Variants in KCNN1 observed in about 807,000 individuals in gnomAD.
KCNN1 encodes the protein potassium calcium-activated channel subfamily N member 1.
In KCNN1, 20 loss-of-function variants were observed where a neutral mutation model predicts 44.7. The ratio of observed to expected loss-of-function variants is 0.45; its 90% CI spans 0.32 to 0.65. The LOEUF is 0.65. Ranked by LOEUF, KCNN1 falls within the 30% of genes least tolerant of loss-of-function variation. The pLI is 0.05. For synonymous variants in KCNN1, 324 were observed against 341.7 expected, an observed-to-expected ratio of 0.95 and a Z score of 0.57; for missense variants, 632 against 785.3, an observed-to-expected ratio of 0.80 and a Z score of 2.33.
chr19:17,968,717 G>A (rs1416079765), intron 1 of KCNN1, among the ~76,000 whole-genome samples: 1 of 152,058 alleles, frequency 6.6e-6, no homozygotes, highest in Admixed American at 6.6e-5. Flanking sequence ...CCCCAGAAGT[G>A]TGTGTCTCCA....
intron 5 of KCNN1, 118 bp downstream of exon 5, chr19:17,985,571 A>G: frequency 1.1e-6 from 1 of 902,320 alleles, no homozygotes; most frequent in Non-Finnish European, 1.6e-6. Flanking sequence ...GTGCCTGATC[A>G]GCGTCCCTCC....
At position 17,983,013 on chromosome 19, in the gene KCNN1, CAA is replaced by C. The variant is rs10574788; in HGVS notation, c.917+897_917+898del. On this transcript the variant is annotated intron_variant, in intron 4 of 9. Transcript: ENST00000684775. This position sits in a 1 kb window ranked among gnomAD's most constrained non-coding sequence, Gnocchi z 4.5. ...TGAGATTGCGCCACTGCACTCCAGT[CAA>C]AAAAAAAAAAGACAAATAAATGGGT... Among the ~76,000 whole-genome samples the C allele has an allele frequency of 0.18, 26,382 of 144,796 alleles. 2,457 individuals carry two copies. The highest frequency in any genetic ancestry group is 0.34 in the East Asian group (1,719 of 4,994). 95.0% of individuals were successfully genotyped at this position (144,796 alleles called of 152,430 possible).
chr19:17,974,248 C>T lies in KCNN1; in HGVS notation c.360C>T (p.Val120=). 6 of 1,605,788 alleles carry T rather than the reference C, an allele frequency of 3.7e-6. No homozygotes were observed. The highest frequency in any genetic ancestry group is 5.1e-6 in the Non-Finnish European group (6 of 1,174,874). The change falls in exon 2 of 10, where the codon GTC becomes GTT. Residue 120 remains valine, a synonymous_variant. Coordinates refer to ENST00000684775, the MANE Select transcript of KCNN1 (RefSeq NM_001386974.1). The surrounding 1 kb of genome is among the most constrained non-coding windows in gnomAD (Gnocchi z 7.3). ...ALIFGMFGIV[V]MVTETELSWG... ...TTTTCGGCATGTTTGGCATCGTCGT[C>T]ATGGTGACGGAGACCGAGCTGTCCT... is the stretch of plus-strand genomic sequence containing the variant.
At chr19:17,965,854 G>A (rs549201762), upstream of KCNN1, among the ~76,000 whole-genome samples, 1 of 152,186 alleles carries the variant, frequency 6.6e-6, no homozygotes, top group Admixed American at 6.5e-5. Context: ...CGGGCCTTGT[G>A]CAGAGCAGTC....
chr19:17,982,265 C>T, intron 4 of KCNN1, 138 bp downstream of exon 4: 4 of 747,624 alleles, frequency 5.4e-6, no homozygotes, highest in Non-Finnish European at 8.4e-6. Flanking sequence ...GCAAGACACC[C>T]GTGGTGCCTC....
intron 2 of KCNN1, among the ~76,000 whole-genome samples, chr19:17,959,442 G>C (rs1248845897): frequency 6.6e-6 from 1 of 152,010 alleles, no homozygotes; most frequent in Non-Finnish European, 1.5e-5. Flanking sequence ...ATTTTTAATA[G>C]AGACGGGGTT....
intron 9 of KCNN1, among the ~76,000 whole-genome samples, chr19:17,996,186 T>A (rs73528108): frequency 0.023 from 2,032 of 89,080 alleles, 27 homozygotes; most frequent in African/African-American, 0.07. Flanking sequence ...AAAAAAAAAA[T>A]AGAAAAATTA....
chr19:17,961,946 G>C (rs769944934), intron 2 of KCNN1, among the ~76,000 whole-genome samples: 2 of 152,146 alleles, frequency 1.3e-5, no homozygotes, highest in Non-Finnish European at 2.9e-5. Flanking sequence ...CAAATTTTGG[G>C]GGGTCACGAT....
rs191167135 is a variant in KCNN1, at chr19:17,987,106, C to T, written c.1060-1309C>T. ...ACAGGCATGACGCCACCACGCTGGC[C>T]CTTTTTTTCTTTTTTTTTTTTGAGA... On this transcript the variant is annotated intron_variant, in intron 5 of 9. Coordinates refer to ENST00000684775, the MANE Select transcript of KCNN1 (RefSeq NM_001386974.1). 4.8e-4 allele frequency among the ~76,000 whole-genome samples: 73 copies of T among 151,290 alleles called. 2 individuals are homozygous for T. In the East Asian group the frequency reaches 0.014, roughly 29 times the overall value.
rs964049852 is a variant in KCNN1 at position 17,998,454 on chromosome 19, G to A, written c.*48G>A. The A allele has an allele frequency of 2.0e-5, 29 of 1,440,310 alleles. No individual in the cohort carries two copies. In the African/African-American group the frequency reaches 2.6e-4, roughly 13 times the overall value. 89.2% of individuals were successfully genotyped at this position (1,440,310 alleles called of 1,614,324 possible). ...CCTAAATCTTGGCCATCGTGTGGCC[G>A]CCACCTCCGGGAAGCCTTGTACAGT... On this transcript the variant is annotated 3_prime_UTR_variant, in exon 10 of 10. Transcript: ENST00000684775. The surrounding 1 kb of genome is among the most constrained non-coding windows in gnomAD (Gnocchi z 5.4).
chr19:17,977,554 T>G (rs894561279), intron 3 of KCNN1, among the ~76,000 whole-genome samples: 4 of 152,000 alleles, frequency 2.6e-5, no homozygotes, highest in Non-Finnish European at 4.4e-5. Context: ...CTTACCATGT[T>G]GGCCAGGCTG....
rs1271445352 is a variant in KCNN1 at position 17,993,934 on chromosome 19, AT to A, written c.1377+376del. ...CAAAAAAATGATAATAATTTTAAAA[AT>A]AATTTAAAAATTTAAAAAGAGTACA... On this transcript the variant is annotated intron_variant, in intron 9 of 9. Coordinates refer to ENST00000684775, the MANE Select transcript of KCNN1 (RefSeq NM_001386974.1). This position sits in a 1 kb window ranked among gnomAD's most constrained non-coding sequence, Gnocchi z 4.5. Among the ~76,000 whole-genome samples the A allele has an allele frequency of 6.6e-6, 1 of 152,116 alleles. No homozygotes were observed. The highest frequency in any genetic ancestry group is 1.5e-5 in the Non-Finnish European group (1 of 68,016).
chr19:17,952,859 C>T (rs1384543440), intron 1 of KCNN1, among the ~76,000 whole-genome samples: 1 of 152,134 alleles, frequency 6.6e-6, no homozygotes, highest in African/African-American at 2.4e-5. Flanking sequence ...TCCCCTCTCC[C>T]GGACAGGAGG....
chr19:17,965,082 T>C (rs931544767), upstream of KCNN1, among the ~76,000 whole-genome samples: 2 of 151,846 alleles, frequency 1.3e-5, no homozygotes, highest in African/African-American at 2.4e-5. Flanking sequence ...CTGGCCAACA[T>C]GGTGAAACCC....
Position 17,967,131 on chromosome 19 carries a change from G to C in KCNN1, c.-268G>C. The stretch of plus-strand genomic sequence containing the variant: ...CGGGCGCTCGCCCCCCGCCGGGCCC[G>C]TGGACTGGGCGGCGGGGGATGCGCC... On this transcript the variant is annotated 5_prime_UTR_variant, in exon 1 of 10. Coordinates refer to ENST00000684775, the MANE Select transcript of KCNN1 (RefSeq NM_001386974.1). 2.0e-6 allele frequency: 2 copies of C among 975,754 alleles called. No homozygotes were observed. Among genetic ancestry groups the C allele is most frequent in the Non-Finnish European group, 2.4e-6 (2 of 823,598 alleles). 60.4% of individuals were successfully genotyped at this position (975,754 alleles called of 1,614,324 possible). A position where few individuals can be genotyped will look rare whatever the true frequency, so the allele number is the denominator to read the frequency against.
chr19:17,956,432 T>C (rs998061003), intron 2 of KCNN1, among the ~76,000 whole-genome samples: 3 of 152,164 alleles, frequency 2.0e-5, no homozygotes, highest in Non-Finnish European at 2.9e-5. Flanking sequence ...TGGAATTTCA[T>C]GGGGCATCAA....
intron 1 of KCNN1, among the ~76,000 whole-genome samples, chr19:17,968,503 A>G (rs911604401): frequency 2.0e-5 from 3 of 151,966 alleles, no homozygotes; most frequent in South Asian, 2.1e-4. Flanking sequence ...TGGCAGGGGT[A>G]CCTAGGGCCC....
rs776070812 is a variant in KCNN1 at position 17,985,393 on chromosome 19, C to T, written c.999C>T (p.Tyr333=). 29 of 1,611,212 alleles carry T rather than the reference C, an allele frequency of 1.8e-5. No individual in the cohort carries two copies. The highest frequency in any genetic ancestry group is 4.5e-5 in the East Asian group (2 of 44,760). The change falls in exon 5 of 10, where the codon TAC becomes TAT. Residue 333 remains tyrosine, a synonymous_variant. Coordinates refer to ENST00000684775, the MANE Select transcript of KCNN1 (RefSeq NM_001386974.1). The stretch of plus-strand genomic sequence containing the variant: ...CCATCACCTTCCTCTCCATTGGCTA[C>T]GGCGACATGGTGCCCCACACCTACT... ...LISITFLSIG[Y]GDMVPHTYCG...
chr19:17,993,440 C>T lies in KCNN1; in HGVS notation c.1308-50C>T, dbSNP rs751186493. 52 of 1,407,646 alleles carry T rather than the reference C, an allele frequency of 3.7e-5. No homozygotes were observed. The highest frequency in any genetic ancestry group is 5.3e-5 in the Admixed American group (3 of 56,336). The allele number at this position is 1,407,646 out of a possible 1,614,324, so 87.2% of individuals were successfully genotyped here. ...ATGAAAGTCCCTGCCCCCACTGCAG[C>T]CTCCACGGGAACCTGCCTAACCCCC... On this transcript the variant is annotated intron_variant, in intron 8 of 9. Coordinates refer to ENST00000684775, the MANE Select transcript of KCNN1 (RefSeq NM_001386974.1). The surrounding 1 kb of genome is among the most constrained non-coding windows in gnomAD (Gnocchi z 4.5).
Sources: allele counts gnomAD v4.1 joint callset (sites outside exome capture counted in the v4.1 genomes callset), GRCh38; gene constraint gnomAD v4.1.1; non-coding constraint Gnocchi (gnomAD v3.1); transcripts MANE v1.5; gene names NCBI Gene and HGNC (gene_info 2026-07-23, HGNC 2026-07-21).